The following DNAJA3 variants were observed in gnomAD, a reference collection of about 807,000 sequenced individuals.
DNAJA3 encodes the protein dnaJ homolog subfamily A member 3, mitochondrial.
A neutral mutation model predicts 54.9 loss-of-function variants in DNAJA3; 29 were observed. That is an observed-to-expected ratio of 0.53 (90% CI 0.39 to 0.72). The LOEUF (loss-of-function observed/expected upper bound fraction) is 0.72, where lower values mean the gene tolerates loss of function less well. Ranked by LOEUF, DNAJA3 falls within the 30% of genes least tolerant of loss-of-function variation. The probability of loss-of-function intolerance (pLI) is 0.00; values close to 1 mark genes in which losing one functional copy is unlikely to be tolerated. For missense variants in DNAJA3, 708 were observed against 639.4 expected (o/e 1.11, Z -1.16); for synonymous variants, 302 against 251.4 (o/e 1.20, Z -1.90).
At position 4,434,901 on chromosome 16, in the gene DNAJA3, T is replaced by TTC. The variant is rs1480192720; in HGVS notation, c.345+385_345+386insCT. Among the ~76,000 whole-genome samples, 138 of 139,284 alleles carry TTC rather than the reference T, an allele frequency of 9.9e-4. 1 individual carries two copies. The highest frequency in any genetic ancestry group is 3.7e-3 in the African/African-American group (134 of 35,788). 91.4% of individuals were successfully genotyped at this position (139,284 alleles called of 152,430 possible). A position where few individuals can be genotyped will look rare whatever the true frequency, so the allele number is the denominator to read the frequency against. On this transcript the variant is annotated intron_variant, in intron 2 of 11. Transcript: ENST00000262375. The stretch of plus-strand genomic sequence containing the variant: ...CCTTTCCTTTCTTTTTTTTTTTTTT[T>TTC]TTTTTTTTTTTTTGAGATGGAGTCT...
At chr16:4,444,489 G>A (rs551463095) in intron 6 of DNAJA3, among the ~76,000 whole-genome samples, 175 bp from the exon 7 acceptor site, 93 of 151,986 alleles carry the variant, frequency 6.1e-4, no homozygotes, top group Admixed American at 2.5e-3. Context: ...GACTACAGGC[G>A]TGTGCCACCA....
At position 4,425,972 on chromosome 16, in the gene DNAJA3, A is replaced by G; in HGVS notation, c.91A>G (p.Arg31Gly). 1 of 1,590,230 alleles carries G rather than the reference A, an allele frequency of 6.3e-7. No individual in the cohort carries two copies. Among genetic ancestry groups the G allele is most frequent in the Non-Finnish European group, 8.5e-7 (1 of 1,170,016 alleles). ...AISGRGARPPREGVVGAWLSR... is the reference protein window; with the variant it reads ...AISGRGARPPGEGVVGAWLSR... ...ATCGGGTAGAGGGGCCCGGCCGCCC[A>G]GGGAGGGCGTGGTGGGGGCATGGCT... Residue 31 changes from arginine to glycine, a missense_variant, in exon 1 of 12, where the codon AGG (arginine) becomes GGG (glycine). By Grantham distance (125) the Arg-to-Gly change is moderately radical. Coordinates refer to ENST00000262375, the MANE Select transcript of DNAJA3 (RefSeq NM_005147.6).
chr16:4,446,836 T>C (rs367573463), intron 7 of DNAJA3, 50 bp from the exon 8 acceptor site: 1 of 1,604,212 alleles, frequency 6.2e-7, no homozygotes. Flanking sequence ...AGCTGGTGTT[T>C]AGTCTGCAGT....
chr16:4,442,424 A>T lies in DNAJA3; in HGVS notation c.783+4A>T. ...CTACTGTGGCGGCTCCGGCATGGTA[A>T]GGCTCTGCCCGAGACTCCACCTCCC... On this transcript the variant is annotated splice_donor_region_variant and intron_variant, in intron 5 of 11. Coordinates refer to ENST00000262375, the MANE Select transcript of DNAJA3 (RefSeq NM_005147.6). The T allele has an allele frequency of 5.0e-6, 8 of 1,589,990 alleles. No individual in the cohort carries two copies. Among genetic ancestry groups the T allele is most frequent in the Non-Finnish European group, 6.9e-6 (8 of 1,167,060 alleles).
chr16:4,455,347 C>T, intron 11 of DNAJA3, 199 bp from the exon 12 acceptor site: 1 of 635,258 alleles, frequency 1.6e-6, no homozygotes, highest in South Asian at 1.8e-5. Context: ...CTGTGCAAGC[C>T]TGGGGGCTGC....
intron 3 of DNAJA3, among the ~76,000 whole-genome samples, chr16:4,440,013 G>GCCTCAA (rs2056819842): frequency 6.6e-6 from 1 of 151,914 alleles, no homozygotes; most frequent in Admixed American, 6.6e-5. Context: ...GTTCACTGCA[G>GCCTCAA]CCTCAACCTC....
In DNAJA3 at chr16:4,434,404, A is replaced by G. The variant is rs764667473; in HGVS notation, c.232A>G (p.Ile78Val). The G allele has an allele frequency of 3.7e-6, 6 of 1,613,044 alleles. No homozygotes were observed. Among genetic ancestry groups the G allele is most frequent in the African/African-American group, 2.7e-5 (2 of 74,814 alleles). ...SLTGTKHNPF[I>V]CTASFHTSAP... ...TTTAGGAACAAAACATAACCCTTTC[A>G]TTTGTACTGCCTCCTTCCACACGAG... is the stretch of plus-strand genomic sequence containing the variant. Residue 78 changes from isoleucine (I) to valine (V), a missense_variant, in exon 2 of 12, where the codon ATT becomes GTT. Coordinates refer to ENST00000262375, the MANE Select transcript of DNAJA3 (RefSeq NM_005147.6).
chr16:4,432,868 A>C (rs1220840918), intron 1 of DNAJA3, among the ~76,000 whole-genome samples: 7 of 151,862 alleles, frequency 4.6e-5, no homozygotes, highest in Non-Finnish European at 7.4e-5. Context: ...CCTGCCGGGC[A>C]CGGTGGCTCA....
intron 2 of DNAJA3, among the ~76,000 whole-genome samples, 186 bp from the exon 3 acceptor site, chr16:4,437,216 C>G (rs760325462): frequency 5.9e-5 from 9 of 152,286 alleles, no homozygotes; most frequent in Admixed American, 1.3e-4. Context: ...AGTGATCTGC[C>G]TGCCTTCACT....
rs145337474 is a variant in DNAJA3 at position 4,432,433 on chromosome 16, C to T, written c.212-1951C>T. ...TCTTGGCTCACTGCAACCTCTGCCC[C>T]CCAGGTTCAAGCGATTCTCTTGCTT... On this transcript the variant is annotated intron_variant, in intron 1 of 11. Transcript: ENST00000262375. Among the ~76,000 whole-genome samples the T allele has an allele frequency of 7.9e-4, 120 of 151,428 alleles. 1 individual carries two copies. The highest frequency in any genetic ancestry group is 2.7e-3 in the African/African-American group (113 of 41,268).
At chr16:4,436,888 T>C (rs2056778234) in intron 2 of DNAJA3, among the ~76,000 whole-genome samples, 1 of 152,098 alleles carries the variant, frequency 6.6e-6, no homozygotes, top group Non-Finnish European at 1.5e-5. Context: ...TTCTAAGCCA[T>C]GCTGGGTGCT....
At chr16:4,452,196 ATC>A (rs2056986932) in intron 10 of DNAJA3, among the ~76,000 whole-genome samples, 1 of 152,124 alleles carries the variant, frequency 6.6e-6, no homozygotes, top group African/African-American at 2.4e-5. Context: ...TTCTTGTTGT[ATC>A]TCTTGAACTA....
intron 2 of DNAJA3, among the ~76,000 whole-genome samples, chr16:4,435,409 A>C (rs565962528): frequency 6.6e-6 from 1 of 152,060 alleles, no homozygotes; most frequent in Non-Finnish European, 1.5e-5. Context: ...GGAGTTGTGC[A>C]CCTGTCACCA....
In DNAJA3 at chr16:4,450,178, C is replaced by A. The variant is rs2056960185; in HGVS notation, c.1242-222C>A. 13 of 481,688 alleles carry A rather than the reference C, an allele frequency of 2.7e-5. No homozygotes were observed. The South Asian group carries it at 5.2e-4, about 19-fold the overall frequency. The allele number at this position is 481,688 out of a possible 1,614,324, so 29.8% of individuals were successfully genotyped here. A position where few individuals can be genotyped will look rare whatever the true frequency, so the allele number is the denominator to read the frequency against. On this transcript the variant is annotated intron_variant, in intron 9 of 11. Coordinates refer to ENST00000262375, the MANE Select transcript of DNAJA3 (RefSeq NM_005147.6). Reference sequence around the variant, plus strand: ...TGTATTTAGCATAGCCACAGTGACACTTGTTTAAATGACTTAGTGTAGGGT... The same window carrying A: ...TGTATTTAGCATAGCCACAGTGACAATTGTTTAAATGACTTAGTGTAGGGT...
intron 10 of DNAJA3, among the ~76,000 whole-genome samples, chr16:4,451,240 T>G (rs1016548958): frequency 6.6e-6 from 1 of 152,160 alleles, no homozygotes; most frequent in Non-Finnish European, 1.5e-5. Context: ...TCCTCCTCAT[T>G]GCATCATTTT....
In DNAJA3 at chr16:4,442,283, A is replaced by T; in HGVS notation, c.646A>T (p.Thr216Ser). ...DQPQEYFMEL[T>S]FNQAAKGVNK... ...GTTTCTTTAGTACTTCATGGAGTTGACATTCAATCAAGCTGCAAAGGGGGT... is the reference window on the plus strand; with the variant it reads ...GTTTCTTTAGTACTTCATGGAGTTGTCATTCAATCAAGCTGCAAAGGGGGT... The change falls in exon 5 of 12, where the codon ACA (threonine) becomes TCA (serine). Residue 216 changes from threonine to serine, a missense_variant. Transcript: ENST00000262375. The T allele has an allele frequency of 4.4e-6, 7 of 1,595,960 alleles. No homozygotes were observed. The highest frequency in any genetic ancestry group is 6.0e-6 in the Non-Finnish European group (7 of 1,169,630).
At position 4,427,593 on chromosome 16, in the gene DNAJA3, C is replaced by A. The variant is rs549432981; in HGVS notation, c.211+1501C>A. The stretch of plus-strand genomic sequence containing the variant: ...GGTGTTAATTGAGGCCAATTGTATG[C>A]CAGCCACTGTTCTGGGCACTGAGGA... On this transcript the variant is annotated intron_variant, in intron 1 of 11. Coordinates refer to ENST00000262375, the MANE Select transcript of DNAJA3 (RefSeq NM_005147.6). Among the ~76,000 whole-genome samples, 3 of 152,258 alleles carry A rather than the reference C, an allele frequency of 2.0e-5. 1 individual carries two copies. The South Asian group carries it at 6.2e-4, about 32-fold the overall frequency.
chr16:4,448,147 C>T (rs1160608357), intron 8 of DNAJA3, among the ~76,000 whole-genome samples: 3 of 150,398 alleles, frequency 2.0e-5, no homozygotes, highest in African/African-American at 7.4e-5. Context: ...CCACCTCAGC[C>T]TCCTGAGTAC....
intron 3 of DNAJA3, among the ~76,000 whole-genome samples, chr16:4,438,181 G>T (rs947946187): frequency 2.6e-5 from 4 of 152,130 alleles, no homozygotes; most frequent in African/African-American, 9.7e-5. Context: ...GCCGGGCATG[G>T]CGGCATGCGC....
Sources: gnomAD v4.1 joint callset for allele counts (sites outside exome capture counted in the v4.1 genomes callset) on GRCh38, gnomAD v4.1.1 for gene constraint, MANE v1.5 for transcripts, NCBI Gene and HGNC (gene_info 2026-07-23, HGNC 2026-07-21) for gene names.